The following AGO1 variants were observed in gnomAD, a reference collection of about 807,000 sequenced individuals.
AGO1 encodes the protein protein argonaute-1.
In AGO1, 11 loss-of-function variants were observed where a neutral mutation model predicts 109.2. The ratio of observed to expected loss-of-function variants is 0.10; its 90% CI spans 0.06 to 0.17. The LOEUF (loss-of-function observed/expected upper bound fraction) is 0.17. Among genes scored for constraint, AGO1 ranks in the 10% least tolerant of loss-of-function variants. The pLI, the probability that AGO1 is intolerant of heterozygous loss-of-function variation, is 1.00. For missense variants in AGO1, 574 were observed against 1,140.3 expected (o/e 0.50, Z 7.15); for synonymous variants, 422 against 418.6 (o/e 1.01, Z -0.10).
At chr1:35,881,262 A>G (rs1645033667), upstream of AGO1, among the ~76,000 whole-genome samples, 1 of 152,218 alleles carries the variant, frequency 6.6e-6, no homozygotes, top group Admixed American at 6.5e-5. Flanking sequence ...GGTCCCACCC[A>G]ACACCTACTG....
In AGO1 at chr1:35,890,126, G is replaced by A. The variant is rs1394589381; in HGVS notation, c.209+1516G>A. Among the ~76,000 whole-genome samples the A allele has an allele frequency of 4.0e-5, 6 of 151,638 alleles. No individual in the cohort carries two copies. The East Asian group carries it at 7.8e-4, about 20-fold the overall frequency. ...CAACCTCTGCCTCCCGGGTTCAAGC[G>A]ATTCTTCTGCCTCAGCCTCCCTAGT... On this transcript the variant is annotated intron_variant, in intron 2 of 18. Transcript: ENST00000373204.
At chr1:35,913,805 T>C in intron 12 of AGO1, 37 bp from the exon 13 acceptor site, 1 of 1,602,786 alleles carries the variant, frequency 6.2e-7, no homozygotes, top group Non-Finnish European at 8.5e-7. Context: ...AGTAAATATT[T>C]GTTGAATGCA....
chr1:35,922,528 C>A lies in AGO1; in HGVS notation c.*2921C>A, dbSNP rs1645851511. On this transcript the variant is annotated 3_prime_UTR_variant, in exon 19 of 19. Transcript: ENST00000373204. ...CCCTTTGTACCACTGTTTTGCCTTC[C>A]TTTTCCTCTTCTCTCTTTGCCTGGC... 6.6e-6 allele frequency: 1 copy of A among 152,664 alleles called. No homozygotes were observed. Among genetic ancestry groups the A allele is most frequent in the African/African-American group, 2.4e-5 (1 of 41,458 alleles). 9.5% of individuals were successfully genotyped at this position (152,664 alleles called of 1,614,324 possible).
Position 35,928,933 on chromosome 1 carries a change from C to CA in AGO1, c.*9327dup, listed in dbSNP as rs1308271391. ...TCTTTCTTCTCAGAACAACCAGTGT[C>CA]ACCAGGTATGAGGGCAGAGTTTTAG... On this transcript the variant is annotated 3_prime_UTR_variant, in exon 19 of 19. Transcript: ENST00000373204. 2 of 152,212 alleles carry CA rather than the reference C, an allele frequency of 1.3e-5. No individual in the cohort carries two copies. Among genetic ancestry groups the CA allele is most frequent in the Non-Finnish European group, 2.9e-5 (2 of 68,028 alleles). The allele number at this position is 152,212 out of a possible 1,614,324, so 9.4% of individuals were successfully genotyped here.
chr1:35,887,489 G>A (rs373527482), intron 1 of AGO1, among the ~76,000 whole-genome samples: 7 of 152,174 alleles, frequency 4.6e-5, no homozygotes, highest in African/African-American at 1.7e-4. Flanking sequence ...TTTCCCAAGG[G>A]CCTCCTCTGT....
At chr1:35,917,500 A>G in intron 15 of AGO1, 93 bp from the exon 16 acceptor site, 1 of 1,406,864 alleles carries the variant, frequency 7.1e-7, no homozygotes, top group East Asian at 2.4e-5. Flanking sequence ...CAAAAGTTAT[A>G]TTACAAGTGG....
chr1:35,929,542 C>G lies in AGO1; in HGVS notation c.*9935C>G, dbSNP rs968427356. 1 of 152,158 alleles carries G rather than the reference C, an allele frequency of 6.6e-6. No homozygotes were observed. The highest frequency in any genetic ancestry group is 2.4e-5 in the African/African-American group (1 of 41,424). The allele number at this position is 152,158 out of a possible 1,614,324, so 9.4% of individuals were successfully genotyped here. On this transcript the variant is annotated 3_prime_UTR_variant, in exon 19 of 19. Transcript: ENST00000373204. ...CCCTTGCACAAGAGTTGGTATTTACCCTGTCAGATGCTGCTACCAAGATTT... is the reference window on the plus strand; with the variant it reads ...CCCTTGCACAAGAGTTGGTATTTACGCTGTCAGATGCTGCTACCAAGATTT...
At position 35,901,819 on chromosome 1, in the gene AGO1, T is replaced by C; in HGVS notation, c.1141-129T>C. 1.4e-6 allele frequency: 2 copies of C among 1,393,972 alleles called. No homozygotes were observed. The highest frequency in any genetic ancestry group is 2.8e-5 in the South Asian group (2 of 70,390). The allele number at this position is 1,393,972 out of a possible 1,614,324, so 86.4% of individuals were successfully genotyped here. The stretch of plus-strand genomic sequence containing the variant: ...TCCCTCACTTCCCTCATCTTCCACT[T>C]TCTCTCTCTTTTTAGGACTATTCCG... On this transcript the variant is annotated intron_variant, in intron 9 of 18. Transcript: ENST00000373204. This position sits in a 1 kb window ranked among gnomAD's most constrained non-coding sequence, Gnocchi z 4.8.
At chr1:35,899,897 G>A (rs1313651752) in intron 8 of AGO1, among the ~76,000 whole-genome samples, 1 of 152,124 alleles carries the variant, frequency 6.6e-6, no homozygotes, top group Non-Finnish European at 1.5e-5. Flanking sequence ...GTGGTTAAGA[G>A]TCCTGTTTAA....
At chr1:35,890,314 T>G (rs1309147630) in intron 2 of AGO1, among the ~76,000 whole-genome samples, 7 of 152,204 alleles carry the variant, frequency 4.6e-5, no homozygotes, top group Non-Finnish European at 2.9e-5. Flanking sequence ...TGACCCATCA[T>G]GCCCGGCCAA....
intron 8 of AGO1, among the ~76,000 whole-genome samples, chr1:35,898,028 T>A (rs946727826): frequency 1.3e-5 from 2 of 152,216 alleles, no homozygotes; most frequent in African/African-American, 4.8e-5. Context: ...TTTGACTGGC[T>A]TCTGTCATTT....
At chr1:35,911,511 T>C (rs1174466516) in intron 12 of AGO1, among the ~76,000 whole-genome samples, 1 of 152,006 alleles carries the variant, frequency 6.6e-6, no homozygotes, top group East Asian at 1.9e-4. Context: ...TTTTTCTCCC[T>C]CTCTGGAATT....
In AGO1 at chr1:35,919,874, G is replaced by C; in HGVS notation, c.*267G>C. 1 of 450,238 alleles carries C rather than the reference G, an allele frequency of 2.2e-6. No individual in the cohort carries two copies. Among genetic ancestry groups the C allele is most frequent in the Non-Finnish European group, 4.0e-6 (1 of 248,398 alleles). The allele number at this position is 450,238 out of a possible 1,614,324, so 27.9% of individuals were successfully genotyped here. A position where few individuals can be genotyped will look rare whatever the true frequency, so the allele number is the denominator to read the frequency against. ...GGCCCTGACCCCACTGGACCAAAAGGGGCAGCACTGGTGCCCACCATACAC... is the reference window on the plus strand; with the variant it reads ...GGCCCTGACCCCACTGGACCAAAAGCGGCAGCACTGGTGCCCACCATACAC... On this transcript the variant is annotated 3_prime_UTR_variant, in exon 19 of 19. Coordinates refer to ENST00000373204, the MANE Select transcript of AGO1 (RefSeq NM_012199.5). The surrounding 1 kb of genome is among the most constrained non-coding windows in gnomAD (Gnocchi z 6.6).
At chr1:35,915,213 G>A (rs1318916205) in intron 14 of AGO1, 135 bp from the exon 15 acceptor site, 2 of 663,212 alleles carry the variant, frequency 3.0e-6, no homozygotes, top group Non-Finnish European at 5.1e-6. Flanking sequence ...AATAGAGATT[G>A]AAACCAGGGC....
intron 8 of AGO1, among the ~76,000 whole-genome samples, chr1:35,897,600 A>T (rs1645341715): frequency 1.3e-5 from 2 of 152,058 alleles, no homozygotes; most frequent in African/African-American, 2.4e-5. Context: ...AGGCAGGAGG[A>T]TTGCTTGACT....
intron 1 of AGO1, among the ~76,000 whole-genome samples, chr1:35,884,093 C>T (rs924152084): frequency 2.9e-5 from 4 of 137,996 alleles, no homozygotes; most frequent in African/African-American, 9.9e-5. Context: ...CTCCACACCC[C>T]CCCGCCCCGC....
In AGO1 at chr1:35,892,543, C is replaced by T. The variant is rs1423186061; in HGVS notation, c.210-14C>T. ...AGTCTCTCAGCTTCCACAGGCCACT[C>T]CTATCCCCCACAGGGAAGTGGTGGA... On this transcript the variant is annotated splice_polypyrimidine_tract_variant and intron_variant, in intron 2 of 18. Coordinates refer to ENST00000373204, the MANE Select transcript of AGO1 (RefSeq NM_012199.5). 1 of 1,614,230 alleles carries T rather than the reference C, an allele frequency of 6.2e-7. No individual in the cohort carries two copies.
rs891165367 is a variant in AGO1 at position 35,928,589 on chromosome 1, C to T, written c.*8982C>T. 1 of 152,222 alleles carries T rather than the reference C, an allele frequency of 6.6e-6. No homozygotes were observed. Among genetic ancestry groups the T allele is most frequent in the Non-Finnish European group, 1.5e-5 (1 of 68,044 alleles). The allele number at this position is 152,222 out of a possible 1,614,324, so 9.4% of individuals were successfully genotyped here. A position where few individuals can be genotyped will look rare whatever the true frequency, so the allele number is the denominator to read the frequency against. On this transcript the variant is annotated 3_prime_UTR_variant, in exon 19 of 19. Transcript: ENST00000373204. ...ATAAGCCACAAGCCACTGGGCCCAGCCTCTTTTACCTGTTTCAAAATTGAG... is the reference window on the plus strand; with the variant it reads ...ATAAGCCACAAGCCACTGGGCCCAGTCTCTTTTACCTGTTTCAAAATTGAG...
chr1:35,911,416 C>T (rs1206301950), intron 12 of AGO1, among the ~76,000 whole-genome samples: 3 of 152,140 alleles, frequency 2.0e-5, no homozygotes, highest in Non-Finnish European at 2.9e-5. Context: ...AGCTTAGACT[C>T]TTAGCTTCCT....
Sources: allele counts gnomAD v4.1 joint callset (sites outside exome capture counted in the v4.1 genomes callset), GRCh38; gene constraint gnomAD v4.1.1; non-coding constraint Gnocchi (gnomAD v3.1); transcripts MANE v1.5; gene names NCBI Gene and HGNC (gene_info 2026-07-23, HGNC 2026-07-21).